DYNC2H1: variants seen among roughly 807,000 people sequenced by gnomAD.
The protein encoded by DYNC2H1 is cytoplasmic dynein 2 heavy chain 1.
Under a neutral mutation model 570.0 loss-of-function variants are expected in DYNC2H1, and 410 were observed. The ratio of observed to expected loss-of-function variants is 0.72; its 90% CI spans 0.66 to 0.78. The LOEUF (loss-of-function observed/expected upper bound fraction) is 0.78. Among genes scored for constraint, DYNC2H1 ranks in the 30% least tolerant of loss-of-function variants. The probability of loss-of-function intolerance (pLI) is 0.00; values close to 1 mark genes in which losing one functional copy is unlikely to be tolerated. For missense variants in DYNC2H1, 4,865 were observed against 5,046.4 expected, an observed-to-expected ratio of 0.96 and a Z score of 1.09; for synonymous variants, 1,688 against 1,677.6, an observed-to-expected ratio of 1.01 and a Z score of -0.15.
intron 18 of DYNC2H1, among the ~76,000 whole-genome samples, chr11:103,143,787 G>A (rs886092501): frequency 6.6e-6 from 1 of 152,018 alleles, no homozygotes; most frequent in African/African-American, 2.4e-5. Flanking sequence ...TGTCCTGGAA[G>A]GCACACAACA....
chr11:103,179,184 A>G lies in DYNC2H1; in HGVS notation c.6298A>G (p.Ser2100Gly). The stretch of plus-strand genomic sequence containing the variant: ...CTTTGTATTTGAAACTCATGATTTA[A>G]GTTGTGCATCACCAGCCACAATATC... ...VNFVFETHDLSCASPATISRM... is the reference protein window; with the variant it reads ...VNFVFETHDLGCASPATISRM... The change falls in exon 39 of 89, where the codon AGT becomes GGT. Residue 2100 changes from serine (S) to glycine (G), a missense_variant. Physicochemically the swap from Ser to Gly is moderately conservative, Grantham distance 56. Around this residue, in one of 5 missense-constraint regions of DYNC2H1, gnomAD observed 231 missense variants for 310.3 expected, o/e 0.74. Coordinates refer to ENST00000375735, the MANE Select transcript of DYNC2H1 (RefSeq NM_001377.3). The G allele has an allele frequency of 5.6e-6, 9 of 1,613,084 alleles. No homozygotes were observed. The highest frequency in any genetic ancestry group is 5.9e-6 in the Non-Finnish European group (7 of 1,179,288).
chr11:103,125,403 C>T (rs1322594151), intron 12 of DYNC2H1, 108 bp downstream of exon 12: 10 of 798,138 alleles, frequency 1.3e-5, no homozygotes, highest in South Asian at 2.5e-5. Context: ...TAGAATAGCA[C>T]TGCCAGCTGT....
intron 83 of DYNC2H1, among the ~76,000 whole-genome samples, chr11:103,390,672 A>G (rs112298454): frequency 0.012 from 1,860 of 152,124 alleles, 34 homozygotes; most frequent in African/African-American, 0.042. Flanking sequence ...TTCCTTCAGG[A>G]GCTCTTGTAG....
chr11:103,109,654 T>A lies in DYNC2H1; in HGVS notation c.80T>A (p.Leu27His), dbSNP rs754905457. 3 of 1,613,866 alleles carry A rather than the reference T, an allele frequency of 1.9e-6. No homozygotes were observed. Among genetic ancestry groups the A allele is most frequent in the African/African-American group, 2.7e-5 (2 of 74,918 alleles). ...AATTACTTCGGGTTGATGTCTGAAC[T>A]CTGGGATCAGCCACTGTTGTGCAAC... is the stretch of plus-strand genomic sequence containing the variant. ...TQNYFGLMSE[L>H]WDQPLLCNCL... The change falls in exon 1 of 89, where the codon CTC (leucine) becomes CAC (histidine). Residue 27 changes from leucine (L) to histidine (H), a missense_variant. Leu to His is a moderately conservative substitution (Grantham distance 99). This residue lies in a region of DYNC2H1 where 1,936 missense variants were observed against 1,962.1 expected (regional missense o/e 0.99). Transcript: ENST00000375735.
Position 103,235,781 on chromosome 11 carries a change from T to G in DYNC2H1, c.9677T>G (p.Leu3226Trp). ...CCTGAATCTCTGAGAAAAACCTGTT[T>G]GGAAGAATGGACCAAGTCAGCTGGT... The part of the protein sequence containing the change: ...AAPESLRKTC[L>W]EEWTKSAGLE... Residue 3226 changes from leucine to tryptophan, a missense_variant, in exon 62 of 89, where the codon TTG becomes TGG. Around this residue, in one of 5 missense-constraint regions of DYNC2H1, gnomAD observed 2,401 missense variants for 2,454.6 expected, o/e 0.98. Coordinates refer to ENST00000375735, the MANE Select transcript of DYNC2H1 (RefSeq NM_001377.3). The G allele has an allele frequency of 6.2e-7, 1 of 1,611,708 alleles. No homozygotes were observed. The highest frequency in any genetic ancestry group is 8.5e-7 in the Non-Finnish European group (1 of 1,178,444).
intron 82 of DYNC2H1, among the ~76,000 whole-genome samples, chr11:103,335,273 G>A (rs1414429647): frequency 6.6e-6 from 1 of 152,092 alleles, no homozygotes; most frequent in Non-Finnish European, 1.5e-5. Flanking sequence ...TTGATAGACT[G>A]ATAAACATAT....
At chr11:103,166,182 A>G in intron 31 of DYNC2H1, 134 bp downstream of exon 31, 1 of 609,062 alleles carries the variant, frequency 1.6e-6, no homozygotes, top group Non-Finnish European at 2.5e-6. Context: ...ATATACTTAA[A>G]TTTTTATAAT....
rs947030516 is a variant in DYNC2H1 at position 103,210,074 on chromosome 11, G to A, written c.8539+114G>A. 94 of 1,197,608 alleles carry A rather than the reference G, an allele frequency of 7.8e-5. 1 individual carries two copies. The African/African-American group carries it at 1.4e-3, about 18-fold the overall frequency. 74.2% of individuals were successfully genotyped at this position (1,197,608 alleles called of 1,614,324 possible). On this transcript the variant is annotated intron_variant, in intron 53 of 88. Coordinates refer to ENST00000375735, the MANE Select transcript of DYNC2H1 (RefSeq NM_001377.3). The stretch of plus-strand genomic sequence containing the variant: ...ATTATAAATTTGAATAATGCTAAGT[G>A]TAACAAAATTAGATTTCTTCTGATG...
chr11:103,118,797 A>T (rs984959841), intron 6 of DYNC2H1, among the ~76,000 whole-genome samples: 1 of 152,162 alleles, frequency 6.6e-6, no homozygotes, highest in South Asian at 2.1e-4. Context: ...GCCATATGGC[A>T]TTTCTCACCT....
chr11:103,474,227 G>A (rs1945481616), intron 88 of DYNC2H1: 1 of 154,726 alleles, frequency 6.5e-6, no homozygotes, highest in Admixed American at 6.5e-5. Context: ...GTGGCAAGCT[G>A]TTTTGTTTCC....
chr11:103,282,172 T>A lies in DYNC2H1; in HGVS notation c.10762-7T>A, dbSNP rs556158532. The A allele has an allele frequency of 1.6e-5, 25 of 1,605,270 alleles. 1 individual carries two copies. The African/African-American group carries it at 2.7e-4, about 17-fold the overall frequency. ...TATTTTTGTGTTCCTATATTTTTAT[T>A]CAATAGGAATGGGATACGTTTACAG... On this transcript the variant is annotated splice_polypyrimidine_tract_variant and splice_region_variant and intron_variant, in intron 71 of 88. Coordinates refer to ENST00000375735, the MANE Select transcript of DYNC2H1 (RefSeq NM_001377.3).
At chr11:103,361,247 A>G (rs946834031) in intron 83 of DYNC2H1, among the ~76,000 whole-genome samples, 5 of 152,172 alleles carry the variant, frequency 3.3e-5, no homozygotes, top group African/African-American at 9.7e-5. Flanking sequence ...GAGCCCTCAC[A>G]AATAGGATTA....
At chr11:103,345,435 C>T (rs563469020) in intron 82 of DYNC2H1, among the ~76,000 whole-genome samples, 30 of 152,248 alleles carry the variant, frequency 2.0e-4, no homozygotes, top group African/African-American at 7.0e-4. Context: ...CACTATTGTG[C>T]GAACAGTATG....
At position 103,185,434 on chromosome 11, in the gene DYNC2H1, G is replaced by A. The variant is rs180901055; in HGVS notation, c.6633+383G>A. Among the ~76,000 whole-genome samples the A allele has an allele frequency of 8.3e-4, 126 of 151,814 alleles. No individual in the cohort carries two copies. The highest frequency in any genetic ancestry group is 3.4e-3 in the Middle Eastern group (1 of 292). ...TTTTAGGAATTGGGAATATTAGGAT[G>A]AATTAATTATTAATAAATATTTTCT... On this transcript the variant is annotated intron_variant, in intron 41 of 88. Coordinates refer to ENST00000375735, the MANE Select transcript of DYNC2H1 (RefSeq NM_001377.3). This position sits in a 1 kb window ranked among gnomAD's most constrained non-coding sequence, Gnocchi z 4.5.
intron 82 of DYNC2H1, among the ~76,000 whole-genome samples, chr11:103,350,588 A>G (rs568633523): frequency 1.2e-4 from 19 of 152,312 alleles, no homozygotes; most frequent in African/African-American, 4.6e-4. Context: ...CTGCTATAAC[A>G]AAATACCACA....
At chr11:103,281,248 G>A (rs1866117688) in intron 71 of DYNC2H1, among the ~76,000 whole-genome samples, 2 of 151,982 alleles carry the variant, frequency 1.3e-5, no homozygotes, top group Admixed American at 1.3e-4. Context: ...GACATGTATA[G>A]TTTCTGCTGA....
intron 54 of DYNC2H1, among the ~76,000 whole-genome samples, chr11:103,214,013 G>T (rs531385727): frequency 2.0e-5 from 3 of 152,184 alleles, no homozygotes; most frequent in African/African-American, 7.2e-5. Flanking sequence ...TGTATATGAT[G>T]ACAGAAGGAG....
In DYNC2H1 at chr11:103,400,113, T is replaced by A. The variant is rs117118325; in HGVS notation, c.12366+241T>A. Among the ~76,000 whole-genome samples, 2,200 of 152,318 alleles carry A rather than the reference T, an allele frequency of 0.014. 32 individuals carry two copies. The highest frequency in any genetic ancestry group is 0.024 in the Admixed American group (361 of 15,310). ...GTCAGTTTATGTTAGCTATCTAGTG[T>A]TACATATATAATGAAATTTATGTTG... On this transcript the variant is annotated intron_variant, in intron 84 of 88. Coordinates refer to ENST00000375735, the MANE Select transcript of DYNC2H1 (RefSeq NM_001377.3).
intron 82 of DYNC2H1, among the ~76,000 whole-genome samples, chr11:103,344,895 T>C (rs1013118817): frequency 6.6e-6 from 1 of 152,182 alleles, no homozygotes; most frequent in Admixed American, 6.5e-5. Flanking sequence ...GATATTACCA[T>C]AACTTGCATC....
Sources: gnomAD v4.1 joint callset for allele counts (sites outside exome capture counted in the v4.1 genomes callset) on GRCh38, gnomAD v4.1.1 for gene constraint, gnomAD v4.1.1 regional missense constraint, Gnocchi (gnomAD v3.1) non-coding constraint, MANE v1.5 for transcripts, NCBI Gene and HGNC (gene_info 2026-07-23, HGNC 2026-07-21) for gene names.